The following ZNF718 variants were observed in gnomAD, a reference collection of about 807,000 sequenced individuals.
ZNF718 encodes zinc finger protein 718.
Under a neutral mutation model 2.6 loss-of-function variants are expected in ZNF718, and 3 were observed. The ratio of observed to expected loss-of-function variants is 1.16; its 90% CI spans 0.53 to 3.01. The LOEUF (loss-of-function observed/expected upper bound fraction) is 3.01, where lower values mean the gene tolerates loss of function less well. ZNF718 is among the 30% of genes most tolerant of loss of function. The probability of loss-of-function intolerance (pLI) is 0.03; values close to 1 mark genes in which losing one functional copy is unlikely to be tolerated. For synonymous variants in ZNF718, 135 were observed against 77.9 expected (o/e 1.73, Z -3.86); for missense variants, 468 against 230.0 (o/e 2.03, Z -6.69).
intron 3 of ZNF718, among the ~76,000 whole-genome samples, chr4:170,291 C>A (rs1461919558): frequency 6.6e-6 from 1 of 152,156 alleles, no homozygotes; most frequent in Non-Finnish European, 1.5e-5. Context: ...TTTTTTCCTT[C>A]ATTTCAACTT....
At chr4:166,022 C>T (rs1717079075), downstream of ZNF718, among the ~76,000 whole-genome samples, 1 of 152,070 alleles carries the variant, frequency 6.6e-6, no homozygotes, top group Non-Finnish European at 1.5e-5. Context: ...CACAGCAGGC[C>T]CCAGTGTGTG....
intron 3 of ZNF718, among the ~76,000 whole-genome samples, chr4:143,226 C>T (rs1715892472): frequency 1.3e-5 from 2 of 152,212 alleles, no homozygotes; most frequent in African/African-American, 2.4e-5. Flanking sequence ...GACGGAGTCT[C>T]TGTCACCCAG....
At chr4:159,543 A>T (rs1716732534) in intron 3 of ZNF718, among the ~76,000 whole-genome samples, 1 of 152,128 alleles carries the variant, frequency 6.6e-6, no homozygotes, top group Non-Finnish European at 1.5e-5. Flanking sequence ...CTATGTGTGT[A>T]TCCTAGTTGA....
chr4:131,027 C>T lies in ZNF718; in HGVS notation c.130+113C>T, dbSNP rs1450240468. ...TTGCATGAATTAATTTCAGTTCCTT[C>T]ACGAAAAAGTTGGGAGTTTGGTGGT... On this transcript the variant is annotated intron_variant, in intron 2 of 3. Coordinates refer to ENST00000510175, the MANE Select transcript of ZNF718 (RefSeq NM_001039127.6). The T allele has an allele frequency of 8.9e-6, 2 of 224,288 alleles. 1 individual carries two copies. Among genetic ancestry groups the T allele is most frequent in the Non-Finnish European group, 1.6e-5 (2 of 123,682 alleles). 13.9% of individuals were successfully genotyped at this position (224,288 alleles called of 1,614,324 possible).
At chr4:179,013 A>G (rs1290579781) in intron 3 of ZNF718, among the ~76,000 whole-genome samples, 1 of 152,128 alleles carries the variant, frequency 6.6e-6, no homozygotes, top group African/African-American at 2.4e-5. Context: ...CGTTGAAGAG[A>G]TATATGTCTC....
chr4:127,396 T>C lies in ZNF718; in HGVS notation c.3+2723T>C, dbSNP rs1223626569. Among the ~76,000 whole-genome samples the C allele has an allele frequency of 1.5e-4, 16 of 103,966 alleles. 6 individuals carry two copies. The highest frequency in any genetic ancestry group is 5.3e-4 in the African/African-American group (16 of 29,942). The allele number at this position is 103,966 out of a possible 152,430, so 68.2% of individuals were successfully genotyped here. A position where few individuals can be genotyped will look rare whatever the true frequency, so the allele number is the denominator to read the frequency against. ...ACAGCAATCAGTTATTTCACCTCCTTCAGTGCTCCTGTCATCTTCAGATCT... is the reference window on the plus strand; with the variant it reads ...ACAGCAATCAGTTATTTCACCTCCTCCAGTGCTCCTGTCATCTTCAGATCT... On this transcript the variant is annotated intron_variant, in intron 1 of 3. Coordinates refer to ENST00000510175, the MANE Select transcript of ZNF718 (RefSeq NM_001039127.6).
chr4:192,421 A>G (rs563030798), intron 3 of ZNF718, among the ~76,000 whole-genome samples: 17 of 152,068 alleles, frequency 1.1e-4, no homozygotes, highest in Non-Finnish European at 2.2e-4. Context: ...CCTCTTTACT[A>G]CCTGATTGGT....
rs1553815976 is a variant in ZNF718, at chr4:163,073, A to G, written c.*951A>G. The stretch of plus-strand genomic sequence containing the variant: ...AAATTATAGATTTTTTGAAAAGCAA[A>G]TTCAACTCTAAAATTACTTCATACT... On this transcript the variant is annotated 3_prime_UTR_variant, in exon 4 of 4. Coordinates refer to ENST00000510175, the MANE Select transcript of ZNF718 (RefSeq NM_001039127.6). The G allele has an allele frequency of 6.6e-6, 1 of 152,216 alleles. No homozygotes were observed. The highest frequency in any genetic ancestry group is 1.9e-4 in the East Asian group (1 of 5,196). 9.4% of individuals were successfully genotyped at this position (152,216 alleles called of 1,614,324 possible). A position where few individuals can be genotyped will look rare whatever the true frequency, so the allele number is the denominator to read the frequency against.
chr4:127,223 C>T (rs1309287881), intron 1 of ZNF718, among the ~76,000 whole-genome samples: 2 of 104,534 alleles, frequency 1.9e-5, no homozygotes, highest in Non-Finnish European at 4.3e-5. Flanking sequence ...AAAAACCTTT[C>T]TTCTCAGGAT....
chr4:134,309 G>T (rs545088904), intron 3 of ZNF718, among the ~76,000 whole-genome samples: 4 of 152,172 alleles, frequency 2.6e-5, no homozygotes, highest in African/African-American at 9.6e-5. Flanking sequence ...ACCACGCCCG[G>T]CTAATTTTTT....
At chr4:189,694 A>G (rs1560132635) in intron 3 of ZNF718, among the ~76,000 whole-genome samples, 1 of 152,136 alleles carries the variant, frequency 6.6e-6, no homozygotes, top group Non-Finnish European at 1.5e-5. Context: ...TTCTTGTTCC[A>G]TTTTTTGAAC....
At chr4:140,868 A>G (rs971313569) in intron 3 of ZNF718, among the ~76,000 whole-genome samples, 1 of 152,244 alleles carries the variant, frequency 6.6e-6, no homozygotes, top group Non-Finnish European at 1.5e-5. Context: ...TAACTTTACT[A>G]AACAAGCTAG....
intron 3 of ZNF718, among the ~76,000 whole-genome samples, chr4:154,139 C>T (rs1190461620): frequency 1.3e-5 from 2 of 152,166 alleles, no homozygotes; most frequent in African/African-American, 2.4e-5. Flanking sequence ...TGCCTCCTGC[C>T]ATATATGACA....
rs782474137 is a variant in ZNF718, at chr4:161,111, A to G, written c.426A>G (p.Thr142=). The G allele has an allele frequency of 2.6e-6, 2 of 764,092 alleles. No individual in the cohort carries two copies. The highest frequency in any genetic ancestry group is 2.7e-5 in the South Asian group (2 of 73,084). The allele number at this position is 764,092 out of a possible 1,614,324, so 47.3% of individuals were successfully genotyped here. A position where few individuals can be genotyped will look rare whatever the true frequency, so the allele number is the denominator to read the frequency against. Residue 142 remains threonine (T), a synonymous_variant, in exon 4 of 4, where the codon ACA becomes ACG. Coordinates refer to ENST00000510175, the MANE Select transcript of ZNF718 (RefSeq NM_001039127.6). ...NQCLLTTQKK[T]IQSNICVKVF... is the part of the protein sequence containing the mutation. The stretch of plus-strand genomic sequence containing the variant: ...GCTTATTAACTACCCAGAAAAAAAC[A>G]ATTCAATCTAATATATGTGTCAAAG...
intron 3 of ZNF718, among the ~76,000 whole-genome samples, chr4:144,119 A>G (rs1715937750): frequency 6.6e-6 from 1 of 152,202 alleles, no homozygotes; most frequent in African/African-American, 2.4e-5. Context: ...AACCAATGGA[A>G]TACTCTAGGT....
intron 3 of ZNF718, among the ~76,000 whole-genome samples, chr4:176,152 T>C (rs1717342139): frequency 6.6e-6 from 1 of 152,126 alleles, no homozygotes. Flanking sequence ...TGCAGGCAGC[T>C]CCACAAGCAC....
chr4:159,593 C>T (rs1388679682), intron 3 of ZNF718, among the ~76,000 whole-genome samples: 1 of 151,934 alleles, frequency 6.6e-6, no homozygotes, highest in African/African-American at 2.4e-5. Context: ...CCTTTTTTTA[C>T]TTTTGAAAAT....
chr4:143,086 A>C (rs1251502549), intron 3 of ZNF718, among the ~76,000 whole-genome samples: 3 of 152,238 alleles, frequency 2.0e-5, no homozygotes, highest in African/African-American at 7.2e-5. Flanking sequence ...TAACCTATAA[A>C]TAATGTGCTG....
At chr4:171,942 G>A (rs1717244137) in intron 3 of ZNF718, among the ~76,000 whole-genome samples, 1 of 152,164 alleles carries the variant, frequency 6.6e-6, no homozygotes, top group African/African-American at 2.4e-5. Flanking sequence ...CGCTCACGCT[G>A]GGAGCTGTAG....
Sources: gnomAD v4.1 joint callset for allele counts (sites outside exome capture counted in the v4.1 genomes callset) on GRCh38, gnomAD v4.1.1 for gene constraint, MANE v1.5 for transcripts, NCBI Gene and HGNC (gene_info 2026-07-23, HGNC 2026-07-21) for gene names.